C11orf54: variants seen among roughly 807,000 people sequenced by gnomAD.
The protein encoded by C11orf54 is beta-keto-L-gulonate decarboxylase.
C11orf54 carries 29 observed loss-of-function variants against 35.5 expected under a neutral mutation model. That is an observed-to-expected ratio of 0.82 (90% CI 0.61 to 1.11). The LOEUF (loss-of-function observed/expected upper bound fraction) is 1.11, where lower values mean the gene tolerates loss of function less well. Ranked by LOEUF, C11orf54 falls within the 50% of genes most tolerant of loss-of-function variation. The pLI is 0.00. For missense variants in C11orf54, 373 were observed against 369.2 expected (o/e 1.01, Z -0.08); for synonymous variants, 108 against 121.1 (o/e 0.89, Z 0.71).
chr11:93,752,594 T>C (rs528871981), intron 3 of C11orf54, among the ~76,000 whole-genome samples: 32 of 152,236 alleles, frequency 2.1e-4, no homozygotes, highest in African/African-American at 7.7e-4. Context: ...TTTCTAATAG[T>C]CTCTTAAATA....
intron 5 of C11orf54, among the ~76,000 whole-genome samples, chr11:93,754,463 TG>T (rs1183648642): frequency 1.3e-5 from 2 of 152,208 alleles, no homozygotes; most frequent in Non-Finnish European, 2.9e-5. Flanking sequence ...AATAGTATGA[TG>T]GTTATTTATG....
intron 2 of C11orf54, among the ~76,000 whole-genome samples, chr11:93,748,799 G>A (rs1284140): frequency 0.13 from 19,273 of 149,568 alleles, 1,548 homozygotes; most frequent in East Asian, 0.38. Context: ...TCGCGCCACT[G>A]TACTTCGACC....
At chr11:93,754,636 G>T (rs1943031101) in intron 5 of C11orf54, among the ~76,000 whole-genome samples, 1 of 151,452 alleles carries the variant, frequency 6.6e-6, no homozygotes, top group South Asian at 2.1e-4. Flanking sequence ...AGTACAATTT[G>T]CCTAGTGTTC....
chr11:93,754,071 T>A (rs771781402), intron 5 of C11orf54, 34 bp downstream of exon 5: 2 of 1,564,642 alleles, frequency 1.3e-6, no homozygotes, highest in South Asian at 2.3e-5. Flanking sequence ...TTTACTTTAT[T>A]GGTTTGACAT....
At chr11:93,750,516 G>A in intron 3 of C11orf54, 72 bp downstream of exon 3, 1 of 1,194,554 alleles carries the variant, frequency 8.4e-7, no homozygotes, top group Non-Finnish European at 1.2e-6. Context: ...TATTTTTAAG[G>A]ACATCTTAAA....
At chr11:93,749,971 A>G (rs1942724039) in intron 2 of C11orf54, among the ~76,000 whole-genome samples, 1 of 152,216 alleles carries the variant, frequency 6.6e-6, no homozygotes, top group African/African-American at 2.4e-5. Context: ...TTTGTTCAAC[A>G]TATTGTCTGT....
At chr11:93,750,598 G>C (rs1352423457) in intron 3 of C11orf54, among the ~76,000 whole-genome samples, 154 bp downstream of exon 3, 1 of 152,106 alleles carries the variant, frequency 6.6e-6, no homozygotes, top group African/African-American at 2.4e-5. Context: ...TCACTCTTCT[G>C]ATATTGGTTA....
rs1039707877 is a variant in C11orf54, at chr11:93,763,715, C to T, written c.*2027C>T. ...AGGCTACAGTGAGCTATGATTGTTT[C>T]ATTGCACTGTAGCCTGGGCAACACA... On this transcript the variant is annotated 3_prime_UTR_variant, in exon 9 of 9. Coordinates refer to ENST00000354421, the MANE Select transcript of C11orf54 (RefSeq NM_001286069.2). 1 of 152,144 alleles carries T rather than the reference C, an allele frequency of 6.6e-6. No homozygotes were observed. The highest frequency in any genetic ancestry group is 6.5e-5 in the Admixed American group (1 of 15,274). 9.4% of individuals were successfully genotyped at this position (152,144 alleles called of 1,614,324 possible). A position where few individuals can be genotyped will look rare whatever the true frequency, so the allele number is the denominator to read the frequency against.
chr11:93,743,917 C>G (rs977743182), intron 1 of C11orf54, among the ~76,000 whole-genome samples: 3 of 152,146 alleles, frequency 2.0e-5, no homozygotes, highest in Admixed American at 6.5e-5. Flanking sequence ...GGCTGTATTC[C>G]TGGAGTTTAT....
Position 93,762,478 on chromosome 11 carries a change from A to G in C11orf54, c.*790A>G, listed in dbSNP as rs1432354384. The G allele has an allele frequency of 6.6e-6, 1 of 152,180 alleles. No homozygotes were observed. The allele number at this position is 152,180 out of a possible 1,614,324, so 9.4% of individuals were successfully genotyped here. On this transcript the variant is annotated 3_prime_UTR_variant, in exon 9 of 9. Coordinates refer to ENST00000354421, the MANE Select transcript of C11orf54 (RefSeq NM_001286069.2). Reference sequence around the variant, plus strand: ...CATAGAAGTTTACAATTTGCCTTTCACAAACATTAGCAGTCCGGGCATGGT... The same window carrying G: ...CATAGAAGTTTACAATTTGCCTTTCGCAAACATTAGCAGTCCGGGCATGGT...
Position 93,761,771 on chromosome 11 carries a change from A to G in C11orf54, c.*83A>G, listed in dbSNP as rs1591372401. The G allele has an allele frequency of 1.5e-6, 2 of 1,305,552 alleles. No homozygotes were observed. Among genetic ancestry groups the G allele is most frequent in the Non-Finnish European group, 2.0e-6 (2 of 977,382 alleles). 80.9% of individuals were successfully genotyped at this position (1,305,552 alleles called of 1,614,324 possible). On this transcript the variant is annotated 3_prime_UTR_variant, in exon 9 of 9. Transcript: ENST00000354421. The stretch of plus-strand genomic sequence containing the variant: ...ATTAATTAATACTGATATAAAACCA[A>G]TAGAAATGATCCCACAGGCCAGGCA...
intron 1 of C11orf54, chr11:93,742,028 T>G (rs1942101971): frequency 6.3e-6 from 1 of 157,852 alleles, no homozygotes; most frequent in African/African-American, 2.4e-5. Context: ...GTGTGTAACC[T>G]TTGTGCTGGA....
At chr11:93,753,849 A>G in intron 4 of C11orf54, 87 bp from the exon 5 acceptor site, 1 of 1,521,008 alleles carries the variant, frequency 6.6e-7, no homozygotes, top group Non-Finnish European at 9.1e-7. Flanking sequence ...TCAGTTGGCA[A>G]GGAAGTGCTA....
Position 93,759,757 on chromosome 11 carries a change from T to C in C11orf54, c.673T>C (p.Ser225Pro), listed in dbSNP as rs1317728579. ...KSHIMPAEFS[S>P]CPLNSDEEVN... Reference sequence around the variant, plus strand: ...TTTGTTGTAGCCTGCAGAATTTTCTTCCTGCCCCTTGAACTCTGATGAAGA... The same window carrying C: ...TTTGTTGTAGCCTGCAGAATTTTCTCCCTGCCCCTTGAACTCTGATGAAGA... Residue 225 changes from serine (S) to proline (P), a missense_variant, in exon 8 of 9, where the codon TCC (serine) becomes CCC (proline). Physicochemically the swap from Ser to Pro is moderately conservative, Grantham distance 74. Coordinates refer to ENST00000354421, the MANE Select transcript of C11orf54 (RefSeq NM_001286069.2). 3.1e-6 allele frequency: 5 copies of C among 1,600,462 alleles called. No homozygotes were observed. In the East Asian group the frequency reaches 1.1e-4, roughly 36 times the overall value.
At chr11:93,761,115 C>T (rs1490150015) in intron 8 of C11orf54, among the ~76,000 whole-genome samples, 5 of 152,014 alleles carry the variant, frequency 3.3e-5, no homozygotes, top group African/African-American at 9.7e-5. Context: ...AAGTTACATA[C>T]GCAATAGAAT....
In C11orf54 at chr11:93,755,280, AC is replaced by A; in HGVS notation, c.404del (p.Pro135LeufsTer36). 1.2e-6 allele frequency: 2 copies of A among 1,614,114 alleles called. No individual in the cohort carries two copies. The highest frequency in any genetic ancestry group is 1.7e-6 in the Non-Finnish European group (2 of 1,179,986). Reference protein sequence around the residue: ...PVNGSYFAHVNPADGGCLLEK... With the variant: ...PVNGSYFAHVXPADGGCLLEK... ...AATGGAAGTTACTTTGCCCATGTGA[AC>A]CCTGCAGATGGAGGGTGCCTACTGG... On this transcript the variant is annotated frameshift_variant, in exon 6 of 9. Coordinates refer to ENST00000354421, the MANE Select transcript of C11orf54 (RefSeq NM_001286069.2). LOFTEE classifies it high-confidence loss of function.
chr11:93,748,561 C>T (rs1301271119), intron 2 of C11orf54, among the ~76,000 whole-genome samples: 2 of 152,166 alleles, frequency 1.3e-5, no homozygotes, highest in African/African-American at 4.8e-5. Flanking sequence ...TATGGCCTGG[C>T]ACAGTGGCTC....
intron 7 of C11orf54, among the ~76,000 whole-genome samples, chr11:93,758,383 G>C (rs1943270208): frequency 6.6e-6 from 1 of 152,236 alleles, no homozygotes; most frequent in Non-Finnish European, 1.5e-5. Flanking sequence ...CAAACCCGCG[G>C]CTGCAGACCT....
intron 2 of C11orf54, among the ~76,000 whole-genome samples, chr11:93,748,928 G>A (rs1284141): frequency 0.55 from 82,855 of 150,230 alleles, 24,100 homozygotes; most frequent in Admixed American, 0.69. Context: ...GGCAGATCAC[G>A]AGGTCAGGAG....
Sources: gnomAD v4.1 joint callset for allele counts (sites outside exome capture counted in the v4.1 genomes callset) on GRCh38, gnomAD v4.1.1 for gene constraint, MANE v1.5 for transcripts, NCBI Gene and HGNC (gene_info 2026-07-23, HGNC 2026-07-21) for gene names.